The following NELL2 variants were observed in gnomAD, a reference collection of about 807,000 sequenced individuals.
NELL2 encodes the protein protein kinase C-binding protein NELL2.
A neutral mutation model predicts 109.6 loss-of-function variants in NELL2; 41 were observed. The observed-to-expected ratio is 0.37, with a 90% CI of 0.29 to 0.49. The LOEUF is 0.49. NELL2 is among the 20% of genes least tolerant of loss of function. The probability of loss-of-function intolerance (pLI) is 0.98; values close to 1 mark genes in which losing one functional copy is unlikely to be tolerated. For synonymous variants in NELL2, 355 were observed against 344.7 expected (o/e 1.03, Z -0.33); for missense variants, 900 against 1,008.3 (o/e 0.89, Z 1.45).
chr12:44,644,006 C>A (rs1946958454), intron 13 of NELL2, among the ~76,000 whole-genome samples: 1 of 152,078 alleles, frequency 6.6e-6, no homozygotes, highest in South Asian at 2.1e-4. Context: ...TAGGACAAGA[C>A]AAACTGTAAA....
chr12:44,720,322 A>G (rs1938699824), intron 9 of NELL2, among the ~76,000 whole-genome samples: 1 of 152,146 alleles, frequency 6.6e-6, no homozygotes, highest in Non-Finnish European at 1.5e-5. Context: ...ATTCTCTTTC[A>G]GCTTCCTGTT....
intron 8 of NELL2, among the ~76,000 whole-genome samples, 161 bp downstream of exon 8, chr12:44,775,861 A>G (rs1941737653): frequency 6.6e-6 from 1 of 152,206 alleles, no homozygotes; most frequent in Non-Finnish European, 1.5e-5. Flanking sequence ...GTTTTTAATA[A>G]TGCAACACAG....
intron 3 of NELL2, among the ~76,000 whole-genome samples, chr12:44,803,450 T>A: frequency 6.6e-6 from 1 of 151,982 alleles, no homozygotes; most frequent in Non-Finnish European, 1.5e-5. Context: ...TTAAAGGTGA[T>A]GAAGTGTCTT....
intron 11 of NELL2, among the ~76,000 whole-genome samples, chr12:44,706,746 T>C (rs1937904034): frequency 6.6e-6 from 1 of 152,202 alleles, no homozygotes; most frequent in African/African-American, 2.4e-5. Flanking sequence ...AAAATTCAAA[T>C]ATTTGTTATA....
At chr12:44,656,764 A>G (rs1947516841) in intron 13 of NELL2, among the ~76,000 whole-genome samples, 1 of 152,104 alleles carries the variant, frequency 6.6e-6, no homozygotes, top group Non-Finnish European at 1.5e-5. Flanking sequence ...ATATACCAGT[A>G]ATTATTATGG....
intron 2 of NELL2, among the ~76,000 whole-genome samples, chr12:44,831,079 C>T (rs1274640872): frequency 6.6e-6 from 1 of 152,040 alleles, no homozygotes; most frequent in African/African-American, 2.4e-5. Context: ...CATCTTACCA[C>T]CCTCTTGAAG....
chr12:44,517,252 T>TAGATCG (rs1224041367), intron 19 of NELL2, among the ~76,000 whole-genome samples: 2 of 152,176 alleles, frequency 1.3e-5, no homozygotes, highest in African/African-American at 4.8e-5. Flanking sequence ...ATTTTTTCCT[T>TAGATCG]AGATCGAGTT....
At chr12:44,770,250 T>C (rs1309946687) in intron 9 of NELL2, among the ~76,000 whole-genome samples, 1 of 152,190 alleles carries the variant, frequency 6.6e-6, no homozygotes, top group East Asian at 1.9e-4. Context: ...GTGACTCTTT[T>C]AATAAAAACA....
At chr12:44,646,632 G>T (rs1947105062) in intron 13 of NELL2, among the ~76,000 whole-genome samples, 1 of 152,180 alleles carries the variant, frequency 6.6e-6, no homozygotes, top group Non-Finnish European at 1.5e-5. Flanking sequence ...GATTGCTGCA[G>T]ATTTTGGTTG....
intron 9 of NELL2, among the ~76,000 whole-genome samples, chr12:44,773,898 G>C (rs921235985): frequency 4.1e-5 from 2 of 48,840 alleles, no homozygotes; most frequent in East Asian, 9.3e-4. Flanking sequence ...CATTGCTACT[G>C]TCTTTCTCTC....
At chr12:44,683,781 T>C (rs1948614619) in intron 12 of NELL2, among the ~76,000 whole-genome samples, 1 of 152,228 alleles carries the variant, frequency 6.6e-6, no homozygotes, top group Non-Finnish European at 1.5e-5. Context: ...CACTTGATCA[T>C]GGTGGATAAG....
At chr12:44,794,366 C>T (rs373647412) in intron 3 of NELL2, among the ~76,000 whole-genome samples, 3 of 152,260 alleles carry the variant, frequency 2.0e-5, no homozygotes, top group African/African-American at 7.2e-5. Flanking sequence ...CATGTCTTCC[C>T]TCTGTCTTCT....
chr12:44,757,341 T>G (rs1418647765), intron 9 of NELL2, among the ~76,000 whole-genome samples: 1 of 152,096 alleles, frequency 6.6e-6, no homozygotes, highest in East Asian at 1.9e-4. Context: ...GCTCGCCTAC[T>G]GAATTATAAT....
At chr12:44,900,066 C>A (rs1160261717) in intron 1 of NELL2, among the ~76,000 whole-genome samples, 1 of 152,110 alleles carries the variant, frequency 6.6e-6, no homozygotes, top group African/African-American at 2.4e-5. Flanking sequence ...AGATAACTAT[C>A]CTAAACATAT....
intron 19 of NELL2, among the ~76,000 whole-genome samples, chr12:44,510,447 A>G (rs1303871171): frequency 3.3e-5 from 5 of 152,232 alleles, no homozygotes; most frequent in African/African-American, 1.2e-4. Flanking sequence ...TCTCTCAGAA[A>G]ATTGGCTTTT....
intron 9 of NELL2, among the ~76,000 whole-genome samples, chr12:44,723,900 C>T (rs921960792): frequency 5.9e-5 from 9 of 151,988 alleles, no homozygotes; most frequent in African/African-American, 2.2e-4. Context: ...GATATATACC[C>T]AAGGAAAATA....
intron 1 of NELL2, among the ~76,000 whole-genome samples, chr12:44,913,419 T>C (rs1332462100): frequency 2.0e-5 from 3 of 152,168 alleles, no homozygotes; most frequent in African/African-American, 7.2e-5. Flanking sequence ...AGATTTTCCA[T>C]GATGGCATAT....
intron 3 of NELL2, among the ~76,000 whole-genome samples, chr12:44,792,813 C>T (rs1942483136): frequency 6.6e-6 from 1 of 152,174 alleles, no homozygotes; most frequent in South Asian, 2.1e-4. Context: ...TAAAAGGCAG[C>T]TTGGTGAAAC....
chr12:44,570,065 T>A (rs925059892), intron 15 of NELL2, among the ~76,000 whole-genome samples: 2 of 152,210 alleles, frequency 1.3e-5, no homozygotes, highest in African/African-American at 4.8e-5. Flanking sequence ...TTGCATTTTT[T>A]AAAAGTACCC....
Sources: gnomAD v4.1 joint callset for allele counts (sites outside exome capture counted in the v4.1 genomes callset) on GRCh38, gnomAD v4.1.1 for gene constraint, MANE v1.5 for transcripts, NCBI Gene and HGNC (gene_info 2026-07-23, HGNC 2026-07-21) for gene names.